PTPRU: variants seen among roughly 807,000 people sequenced by gnomAD.
PTPRU encodes the protein receptor-type tyrosine-protein phosphatase U.
Under a neutral mutation model 166.3 loss-of-function variants are expected in PTPRU, and 69 were observed. The ratio of observed to expected loss-of-function variants is 0.41; its 90% CI spans 0.34 to 0.51. The LOEUF is 0.51. PTPRU is among the 20% of genes least tolerant of loss of function. The pLI is 0.09. For missense variants in PTPRU, 1,657 were observed against 2,013.7 expected, an observed-to-expected ratio of 0.82 and a Z score of 3.39; for synonymous variants, 793 against 814.0, an observed-to-expected ratio of 0.97 and a Z score of 0.44.
At position 29,258,518 on chromosome 1, in the gene PTPRU, G is replaced by T; in HGVS notation, c.219G>T (p.Met73Ile). Reference sequence around the variant, plus strand: ...CTCTCTTTCCAGGCTCCTACTTGATGGTCAACACTTCCCAGCATGCCCCAG... The same window carrying T: ...CTCTCTTTCCAGGCTCCTACTTGATTGTCAACACTTCCCAGCATGCCCCAG... ...PADLPHGSYL[M>I]VNTSQHAPGQ... Residue 73 changes from methionine (M) to isoleucine (I), a missense_variant, in exon 3 of 30, where the codon ATG becomes ATT. Physicochemically the swap from Met to Ile is conservative, Grantham distance 10. Transcript: ENST00000373779. 2 of 1,613,720 alleles carry T rather than the reference G, an allele frequency of 1.2e-6. No individual in the cohort carries two copies.
chr1:29,265,578 G>T (rs1169323276), intron 7 of PTPRU, among the ~76,000 whole-genome samples: 1 of 151,976 alleles, frequency 6.6e-6, no homozygotes, highest in Non-Finnish European at 1.5e-5. Context: ...GGCCAGGCTG[G>T]TCTTGAACTC....
intron 1 of PTPRU, among the ~76,000 whole-genome samples, chr1:29,245,931 G>A (rs985932480): frequency 3.3e-5 from 5 of 152,256 alleles, no homozygotes; most frequent in African/African-American, 1.2e-4. Flanking sequence ...CTCTTTTGGG[G>A]TTTGGGCATA....
intron 7 of PTPRU, among the ~76,000 whole-genome samples, chr1:29,263,617 A>G (rs1685164744): frequency 6.6e-6 from 1 of 152,096 alleles, no homozygotes; most frequent in Non-Finnish European, 1.5e-5. Context: ...CTACTTGTCT[A>G]TGAGGGTTCT....
Position 29,259,329 on chromosome 1 carries a change from C to A in PTPRU, c.546C>A (p.Leu182=), listed in dbSNP as rs899633203. 6.2e-7 allele frequency: 1 copy of A among 1,613,956 alleles called. No homozygotes were observed. Among genetic ancestry groups the A allele is most frequent in the African/African-American group, 1.3e-5 (1 of 74,940 alleles). ...TGGGCCTAGATGACATCCTGCTTCT[C>A]AGCTACCCCTGCGGTGAGTCCCAGC... is the stretch of plus-strand genomic sequence containing the variant. ...GYMGLDDILL[L]SYPCAKAPHF... Residue 182 remains leucine (L), a synonymous_variant, in exon 4 of 30, where the codon CTC becomes CTA. Transcript: ENST00000373779.
chr1:29,251,335 CG>C (rs1684537728), intron 1 of PTPRU, among the ~76,000 whole-genome samples: 1 of 151,998 alleles, frequency 6.6e-6, no homozygotes, highest in African/African-American at 2.4e-5. Context: ...TCACCTTGGC[CG>C]GGGTCAGTTG....
chr1:29,242,545 A>G (rs965919661), intron 1 of PTPRU, among the ~76,000 whole-genome samples: 4 of 152,240 alleles, frequency 2.6e-5, no homozygotes, highest in African/African-American at 9.6e-5. Context: ...AATTAATTAA[A>G]ATAAAAATTC....
In PTPRU at chr1:29,317,986, G is replaced by T. The variant is rs1687981075; in HGVS notation, c.3687+65G>T. The T allele has an allele frequency of 6.4e-7, 1 of 1,572,182 alleles. No individual in the cohort carries two copies. ...CCCAGCAGCATCAGGGAAGGTCCAG[G>T]GGCCACGGGAACAAAGCTGAAGGCT... On this transcript the variant is annotated intron_variant, in intron 25 of 29. Transcript: ENST00000373779. This position sits in a 1 kb window ranked among gnomAD's most constrained non-coding sequence, Gnocchi z 5.6.
At chr1:29,302,287 C>G (rs1289168944) in intron 15 of PTPRU, among the ~76,000 whole-genome samples, 5 of 152,016 alleles carry the variant, frequency 3.3e-5, no homozygotes, top group African/African-American at 1.2e-4. Flanking sequence ...GTACTATGTG[C>G]ATGTCATTAC....
At chr1:29,283,817 C>T in intron 12 of PTPRU, 123 bp from the exon 13 acceptor site, 1 of 1,225,514 alleles carries the variant, frequency 8.2e-7, no homozygotes, top group Non-Finnish European at 1.2e-6. Flanking sequence ...TGGGGTGTCC[C>T]TTGATGCCAT....
In PTPRU at chr1:29,245,923, CTT is replaced by C. The variant is rs146655644; in HGVS notation, c.73+9209_73+9210del. 4.5e-3 allele frequency among the ~76,000 whole-genome samples: 679 copies of C among 152,376 alleles called. 3 individuals are homozygous for C. Among genetic ancestry groups the C allele is most frequent in the Non-Finnish European group, 6.7e-3 (454 of 68,042 alleles). ...CTACATTGCATTGGGCACATGGACT[CTT>C]TTGGGGTTTGGGCATAGCTCCTCGC... is the stretch of plus-strand genomic sequence containing the variant. On this transcript the variant is annotated intron_variant, in intron 1 of 29. Transcript: ENST00000373779.
Position 29,257,347 on chromosome 1 carries a change from T to C in PTPRU, c.206-1158T>C, listed in dbSNP as rs898614625. Among the ~76,000 whole-genome samples the C allele has an allele frequency of 2.0e-5, 3 of 152,096 alleles. No homozygotes were observed. The highest frequency in any genetic ancestry group is 7.2e-5 in the African/African-American group (3 of 41,404). On this transcript the variant is annotated intron_variant, in intron 2 of 29. Coordinates refer to ENST00000373779, the MANE Select transcript of PTPRU (RefSeq NM_133178.4). This position sits in a 1 kb window ranked among gnomAD's most constrained non-coding sequence, Gnocchi z 4.6. Reference sequence around the variant, plus strand: ...GGGACTGATCCAGGAGCCGCCTCCATAGGGCTTCTAGCTTACAGAGATGAA... The same window carrying C: ...GGGACTGATCCAGGAGCCGCCTCCACAGGGCTTCTAGCTTACAGAGATGAA...
At chr1:29,307,013 C>T (rs1252873247) in intron 18 of PTPRU, 1 of 1,201,016 alleles carries the variant, frequency 8.3e-7, no homozygotes, top group African/African-American at 1.5e-5. Flanking sequence ...TCCGCTCTGC[C>T]TGCCCTGCTC....
chr1:29,289,297 G>A (rs914610441), intron 14 of PTPRU, among the ~76,000 whole-genome samples: 2 of 152,110 alleles, frequency 1.3e-5, no homozygotes, highest in African/African-American at 4.8e-5. Context: ...ATGCATGTCT[G>A]CACCTGTGTG....
Position 29,325,624 on chromosome 1 carries a change from T to C in PTPRU, c.4274T>C (p.Val1425Ala). ...TMDQYHFCYD[V>A]ALEYLEGLES... is the part of the protein sequence containing the mutation. ...GATCAGTACCACTTTTGCTACGATG[T>C]GGCCCTGGAGTACTTGGAGGGGCTG... The change falls in exon 30 of 30, where the codon GTG becomes GCG. Residue 1425 changes from valine to alanine, a missense_variant. By Grantham distance (64) the Val-to-Ala change is moderately conservative. Coordinates refer to ENST00000373779, the MANE Select transcript of PTPRU (RefSeq NM_133178.4). 12 of 1,613,036 alleles carry C rather than the reference T, an allele frequency of 7.4e-6. No homozygotes were observed. Among genetic ancestry groups the C allele is most frequent in the Non-Finnish European group, 9.3e-6 (11 of 1,179,248 alleles).
rs202220903 is a variant in PTPRU, at chr1:29,258,561, A to G, written c.262A>G (p.Ile88Val). 18 of 1,614,150 alleles carry G rather than the reference A, an allele frequency of 1.1e-5. No individual in the cohort carries two copies. The highest frequency in any genetic ancestry group is 3.3e-4 in the Middle Eastern group (2 of 6,062). ...TGCCCCAGGCCAGCGAGCCCATGTC[A>G]TCTTCCAGAGCCTGAGCGAGAATGA... ...QHAPGQRAHV[I>V]FQSLSENDTH... is the part of the protein sequence containing the mutation. Residue 88 changes from isoleucine (I) to valine (V), a missense_variant, in exon 3 of 30, where the codon ATC becomes GTC. This residue lies in a region of PTPRU where 453 missense variants were observed against 496.9 expected (regional missense o/e 0.91). Transcript: ENST00000373779.
intron 19 of PTPRU, among the ~76,000 whole-genome samples, 156 bp downstream of exon 19, chr1:29,310,936 C>G (rs1557477674): frequency 6.6e-6 from 1 of 152,270 alleles, no homozygotes; most frequent in Admixed American, 6.5e-5. Context: ...TTCATCTGCT[C>G]CCGATTCTGC....
intron 1 of PTPRU, among the ~76,000 whole-genome samples, chr1:29,244,489 G>T (rs1372980856): frequency 6.6e-6 from 1 of 152,126 alleles, no homozygotes; most frequent in Non-Finnish European, 1.5e-5. Flanking sequence ...GATAGGACAG[G>T]TGAGTCTCAG....
chr1:29,265,101 T>C (rs1416919631), intron 7 of PTPRU, among the ~76,000 whole-genome samples: 1 of 152,212 alleles, frequency 6.6e-6, no homozygotes, highest in Non-Finnish European at 1.5e-5. Context: ...TAACTTTTCA[T>C]TTTTCTGGGA....
intron 22 of PTPRU, among the ~76,000 whole-genome samples, chr1:29,314,539 A>G (rs950372007): frequency 6.6e-6 from 1 of 152,090 alleles, no homozygotes; most frequent in East Asian, 1.9e-4. Context: ...CAGCCACATA[A>G]ACAATGACCA....
Sources: allele counts gnomAD v4.1 joint callset (sites outside exome capture counted in the v4.1 genomes callset), GRCh38; gene constraint gnomAD v4.1.1; regional missense constraint gnomAD v4.1.1; non-coding constraint Gnocchi (gnomAD v3.1); transcripts MANE v1.5; gene names NCBI Gene and HGNC (gene_info 2026-07-23, HGNC 2026-07-21).